The following REV1 variants were observed in gnomAD, a reference collection of about 807,000 sequenced individuals.
REV1 encodes translesion synthesis protein REV1.
In REV1, 42 loss-of-function variants were observed where a neutral mutation model predicts 137.4. The observed-to-expected ratio is 0.31, with a 90% CI of 0.24 to 0.40. The LOEUF (loss-of-function observed/expected upper bound fraction) is 0.40, where lower values mean the gene tolerates loss of function less well. REV1 is among the 10% of genes least tolerant of loss of function. The pLI is 1.00. For missense variants in REV1, 1,282 were observed against 1,490.1 expected, an observed-to-expected ratio of 0.86 and a Z score of 2.30; for synonymous variants, 524 against 519.2, an observed-to-expected ratio of 1.01 and a Z score of -0.12.
intron 3 of REV1, among the ~76,000 whole-genome samples, chr2:99,459,164 C>T (rs531722604): frequency 2.2e-4 from 33 of 150,818 alleles, no homozygotes; most frequent in Middle Eastern, 3.5e-3. Context: ...GCCGAGATCG[C>T]GCCACTGCAC....
At chr2:99,423,011 T>G (rs961216278) in intron 10 of REV1, among the ~76,000 whole-genome samples, 2 of 152,224 alleles carry the variant, frequency 1.3e-5, no homozygotes, top group African/African-American at 2.4e-5. Flanking sequence ...ATTTATTTAT[T>G]TAGTTACCCA....
intron 12 of REV1, among the ~76,000 whole-genome samples, chr2:99,415,766 G>A (rs1038253629): frequency 2.0e-5 from 3 of 152,260 alleles, no homozygotes; most frequent in Non-Finnish European, 4.4e-5. Flanking sequence ...ATGGGATAGA[G>A]AGGGAATCCA....
Position 99,483,105 on chromosome 2 carries a change from T to A in REV1, c.-11+6712A>T. Among the ~76,000 whole-genome samples the A allele has an allele frequency of 1.3e-5, 2 of 151,678 alleles. 1 individual carries two copies. The highest frequency in any genetic ancestry group is 1.3e-4 in the Admixed American group (2 of 15,238). ...AAAACATTTGTAAAGTTCAGAACTG[T>A]CCAGGTTAAATGCTTTAAAAAAAAA... On this transcript the variant is annotated intron_variant, in intron 1 of 22. Coordinates refer to ENST00000258428, the MANE Select transcript of REV1 (RefSeq NM_016316.4).
chr2:99,483,677 T>C (rs1686850966), intron 1 of REV1, among the ~76,000 whole-genome samples: 1 of 152,216 alleles, frequency 6.6e-6, no homozygotes, highest in South Asian at 2.1e-4. Flanking sequence ...AGACTTTAAA[T>C]CGTAATTTTA....
At chr2:99,424,339 T>G in intron 9 of REV1, 59 bp from the exon 10 acceptor site, 1 of 1,548,866 alleles carries the variant, frequency 6.5e-7, no homozygotes, top group Admixed American at 1.8e-5. Flanking sequence ...CTCAAATATT[T>G]ATCAAATATG....
At chr2:99,475,577 A>AT (rs1486803569) in intron 1 of REV1, among the ~76,000 whole-genome samples, 1 of 152,056 alleles carries the variant, frequency 6.6e-6, no homozygotes, top group Admixed American at 6.5e-5. Context: ...GTCTTTTGCA[A>AT]TTTTTTAAAT....
At chr2:99,418,779 G>A in intron 12 of REV1, 49 bp downstream of exon 12, 1 of 1,539,366 alleles carries the variant, frequency 6.5e-7, no homozygotes, top group South Asian at 1.1e-5. Context: ...GATATGAAAA[G>A]TACTTGTAAT....
rs1675720964 is a variant in REV1 at position 99,403,101 on chromosome 2, T to TTGG, written c.3169_3171dup (p.Pro1057dup). Reference sequence around the variant, plus strand: ...GCCTTTAGATGAAGTAAAGGATTCTTTGGCACTAAGAGCAGATGGATATAA... The same window carrying TTGG: ...GCCTTTAGATGAAGTAAAGGATTCTTTGGTGGCACTAAGAGCAGATGGATATAA... On this transcript the variant is annotated inframe_insertion, in exon 20 of 23. Coordinates refer to ENST00000258428, the MANE Select transcript of REV1 (RefSeq NM_016316.4). 6.2e-7 allele frequency: 1 copy of TTGG among 1,601,524 alleles called. No individual in the cohort carries two copies. The highest frequency in any genetic ancestry group is 8.5e-7 in the Non-Finnish European group (1 of 1,173,642).
At chr2:99,402,536 C>G (rs1675616419) in intron 21 of REV1, 108 bp downstream of exon 21, 1 of 1,153,978 alleles carries the variant, frequency 8.7e-7, no homozygotes, top group African/African-American at 1.6e-5. Context: ...TTAAGCTTAT[C>G]AGAGTTAGAG....
rs904570268 is a variant in REV1 at position 99,443,018 on chromosome 2, T to C, written c.351-549A>G. ...CCACTCAAATCCAGGGGAACACCAG[T>C]GTTCTAACGCTAGGTGGTACTAGCA... On this transcript the variant is annotated intron_variant, in intron 4 of 22. Transcript: ENST00000258428. Among the ~76,000 whole-genome samples, 19 of 152,218 alleles carry C rather than the reference T, an allele frequency of 1.2e-4. No individual in the cohort carries two copies. In the East Asian group the frequency reaches 3.7e-3, roughly 29 times the overall value.
intron 3 of REV1, among the ~76,000 whole-genome samples, chr2:99,452,300 G>A (rs1445769578): frequency 1.3e-5 from 2 of 151,862 alleles, no homozygotes; most frequent in Non-Finnish European, 1.5e-5. Flanking sequence ...GGTGGTGTGT[G>A]CCTGCAGTCC....
rs200483066 is a variant in REV1, at chr2:99,404,515, G to T, written c.2974C>A (p.Gln992Lys). Reference protein sequence around the residue: ...LPQPVGTVLLQIPEPQESNSD... With the variant: ...LPQPVGTVLLKIPEPQESNSD... ...TTCGATTCTTGAGGTTCTGGTATTTGCAACAAGACTGTCCCAACTGGTTGT... is the reference window on the plus strand; with the variant it reads ...TTCGATTCTTGAGGTTCTGGTATTTTCAACAAGACTGTCCCAACTGGTTGT... Residue 992 changes from glutamine (Q) to lysine (K), a missense_variant, in exon 18 of 23, where the codon CAA (glutamine) becomes AAA (lysine). Around this residue, in one of 7 missense-constraint regions of REV1, gnomAD observed 135 missense variants for 123.3 expected, o/e 1.10. Transcript: ENST00000258428. 249 of 1,614,006 alleles carry T rather than the reference G, an allele frequency of 1.5e-4. No homozygotes were observed. Among genetic ancestry groups the T allele is most frequent in the Non-Finnish European group, 1.2e-4 (140 of 1,180,016 alleles).
intron 10 of REV1, among the ~76,000 whole-genome samples, chr2:99,422,457 G>A (rs1005550852): frequency 2.6e-5 from 4 of 152,032 alleles, no homozygotes; most frequent in Admixed American, 6.6e-5. Flanking sequence ...CTAGGAGGGC[G>A]GTCCTCATCT....
chr2:99,410,672 T>A, intron 14 of REV1, 23 bp downstream of exon 14: 1 of 1,561,638 alleles, frequency 6.4e-7, no homozygotes. Context: ...TAATTACCAA[T>A]ATCATTTCTG....
At chr2:99,440,411 C>A (rs1333385342) in intron 5 of REV1, among the ~76,000 whole-genome samples, 1 of 152,208 alleles carries the variant, frequency 6.6e-6, no homozygotes, top group Admixed American at 6.5e-5. Flanking sequence ...AAGCCCCTCA[C>A]CCTAATACCA....
rs1680482955 is a variant in REV1, at chr2:99,434,437, C to T, written c.1333G>A (p.Ala445Thr). ...CCTGTGCCTCTGTTACTTGTAACAGCCACTGGTTTTCCTGTGAGGAAAATA... is the reference window on the plus strand; with the variant it reads ...CCTGTGCCTCTGTTACTTGTAACAGTCACTGGTTTTCCTGTGAGGAAAATA... ...NRPDLKGKPV[A>T]VTSNRGTGRA... Residue 445 changes from alanine (A) to threonine (T), a missense_variant, in exon 8 of 23, where the codon GCT (alanine) becomes ACT (threonine). This residue lies in a region of REV1 where 432 missense variants were observed against 438.0 expected (regional missense o/e 0.99). Transcript: ENST00000258428. 4 of 1,594,806 alleles carry T rather than the reference C, an allele frequency of 2.5e-6. No individual in the cohort carries two copies. The highest frequency in any genetic ancestry group is 2.3e-5 in the South Asian group (2 of 88,210).
At chr2:99,475,477 A>T (rs537174470) in intron 1 of REV1, among the ~76,000 whole-genome samples, 2 of 152,248 alleles carry the variant, frequency 1.3e-5, no homozygotes, top group East Asian at 3.9e-4. Flanking sequence ...CTTCTAAGAG[A>T]AGTTACTATT....
intron 9 of REV1, among the ~76,000 whole-genome samples, chr2:99,425,762 C>A (rs1679255456): frequency 6.6e-6 from 1 of 152,182 alleles, no homozygotes; most frequent in Non-Finnish European, 1.5e-5. Flanking sequence ...TAAGGCCGGG[C>A]ACAGTGGCTC....
At chr2:99,476,939 G>C (rs1248320656) in intron 1 of REV1, among the ~76,000 whole-genome samples, 1 of 152,160 alleles carries the variant, frequency 6.6e-6, no homozygotes, top group African/African-American at 2.4e-5. Flanking sequence ...ATTTTATTCT[G>C]TATCTTTTCA....
Sources: gnomAD v4.1 joint callset for allele counts (sites outside exome capture counted in the v4.1 genomes callset) on GRCh38, gnomAD v4.1.1 for gene constraint, gnomAD v4.1.1 regional missense constraint, MANE v1.5 for transcripts, NCBI Gene and HGNC (gene_info 2026-07-23, HGNC 2026-07-21) for gene names.